The following H2BC4 variants were observed in gnomAD, a reference collection of about 807,000 sequenced individuals.
H2BC4 encodes histone H2B type 1-C/E/F/G/I.
In H2BC4, 10 loss-of-function variants were observed where a neutral mutation model predicts 6.2. The ratio of observed to expected loss-of-function variants is 1.61; its 90% CI spans 0.99 to 2.73. The LOEUF (loss-of-function observed/expected upper bound fraction) is 2.73. H2BC4 is among the 30% of genes most tolerant of loss of function. H2BC4 has a pLI of 0.00. For synonymous variants in H2BC4, 146 were observed against 70.7 expected, an observed-to-expected ratio of 2.07 and a Z score of -5.35; for missense variants, 176 against 168.7, an observed-to-expected ratio of 1.04 and a Z score of -0.24.
At chr6:26,122,396 T>C (rs1409752792), downstream of H2BC4, among the ~76,000 whole-genome samples, 2 of 152,196 alleles carry the variant, frequency 1.3e-5, no homozygotes, top group African/African-American at 2.4e-5. Flanking sequence ...TAAAAACGTG[T>C]TCTAGACTTG....
downstream of H2BC4, among the ~76,000 whole-genome samples, chr6:26,122,399 T>C (rs1474020572): frequency 6.6e-6 from 1 of 152,214 alleles, no homozygotes; most frequent in East Asian, 1.9e-4. Flanking sequence ...AAACGTGTTC[T>C]AGACTTGAAT....
At position 26,117,033 on chromosome 6, in the gene H2BC4, A is replaced by C. The variant is rs150841804; in HGVS notation, c.*10-1898T>G. Among the ~76,000 whole-genome samples the C allele has an allele frequency of 9.2e-3, 1,396 of 152,318 alleles. 10 individuals carry two copies. The highest frequency in any genetic ancestry group is 0.024 in the Middle Eastern group (7 of 294). ...ATATATATATCCTTCCAAATCTGGA[A>C]GATTTAAGAGAAATGATAGTTATCA... On this transcript the variant is annotated intron_variant, in intron 1 of 1. Transcript: ENST00000314332.
downstream of H2BC4, among the ~76,000 whole-genome samples, chr6:26,119,157 C>G (rs936794273): frequency 6.6e-6 from 1 of 151,772 alleles, no homozygotes; most frequent in Admixed American, 6.6e-5. Flanking sequence ...ATTGTGTTCC[C>G]GCATAGGCAT....
chr6:26,119,890 T>C (rs559351030), downstream of H2BC4, among the ~76,000 whole-genome samples: 1 of 152,184 alleles, frequency 6.6e-6, no homozygotes, highest in African/African-American at 2.4e-5. Flanking sequence ...TTTTAAGTTA[T>C]TTAAAAATTG....
chr6:26,117,523 G>C (rs182911296), intron 1 of H2BC4, among the ~76,000 whole-genome samples: 85 of 152,280 alleles, frequency 5.6e-4, no homozygotes, highest in Non-Finnish European at 1.0e-3. Context: ...TCATTGAGCA[G>C]TGCTGTGCAG....
At chr6:26,120,316 T>G (rs552881503), downstream of H2BC4, among the ~76,000 whole-genome samples, 2 of 152,110 alleles carry the variant, frequency 1.3e-5, no homozygotes, top group East Asian at 1.9e-4. Context: ...CCAGGCGTGG[T>G]GGTGCACCTG....
At chr6:26,123,245 A>G (rs1581412720), downstream of H2BC4, 3 of 494,146 alleles carry the variant, frequency 6.1e-6, no homozygotes, top group East Asian at 4.0e-5. Context: ...TCTTCCGGGA[A>G]CGCCGAGTTA....
At chr6:26,114,384 ATTTCAATTTTTT>A (rs1174516164), downstream of H2BC4, among the ~76,000 whole-genome samples, 1 of 152,112 alleles carries the variant, frequency 6.6e-6, no homozygotes, top group African/African-American at 2.4e-5. Context: ...AAATAATGTA[ATTTCAATTTTTT>A]TTTCTTTTGA....
chr6:26,115,504 T>G (rs998066444), intron 1 of H2BC4, among the ~76,000 whole-genome samples: 1 of 152,172 alleles, frequency 6.6e-6, no homozygotes, highest in African/African-American at 2.4e-5. Flanking sequence ...GTCCTAAAGT[T>G]CCATTTGATC....
At chr6:26,119,882 T>G (rs1763476424), downstream of H2BC4, among the ~76,000 whole-genome samples, 1 of 152,040 alleles carries the variant, frequency 6.6e-6, no homozygotes, top group Non-Finnish European at 1.5e-5. Context: ...ATTAATATTT[T>G]TAAGTTATTT....
chr6:26,114,021 T>C (rs1237749367), downstream of H2BC4, among the ~76,000 whole-genome samples: 4 of 152,090 alleles, frequency 2.6e-5, no homozygotes, highest in Non-Finnish European at 5.9e-5. Flanking sequence ...AGGAATAGAG[T>C]CATATTGGGG....
At position 26,123,801 on chromosome 6, in the gene H2BC4, T is replaced by G; in HGVS notation, c.104A>C (p.Lys35Thr). The G allele has an allele frequency of 6.2e-7, 1 of 1,614,270 alleles. No individual in the cohort carries two copies. Among genetic ancestry groups the G allele is most frequent in the Non-Finnish European group, 8.5e-7 (1 of 1,180,042 alleles). Residue 35 changes from lysine (K) to threonine (T), a missense_variant, in exon 1 of 1, where the codon AAG (lysine) becomes ACG (threonine). Lys to Thr is a moderately conservative substitution (Grantham distance 78, BLOSUM62 -1). Transcript: ENST00000396984. ...KDGKKRKRSR[K>T]ESYSVYVYKV... ...GTACACGTACACAGAGTAACTCTCC[T>G]TGCGGCTGCGCTTGCGCTTCTTGCC...
rs761241511 is a variant in H2BC4, at chr6:26,123,629, G to A, written c.276C>T (p.Ser92=). ...GGCGCACGGCCGTCTGGATCTCCCT[G>A]GAGGTGATGGTCGAGCGCTTGTTGT... The part of the protein sequence containing the change: ...AHYNKRSTIT[S]REIQTAVRLL... The change falls in exon 1 of 1, where the codon TCC becomes TCT. Residue 92 remains serine, a synonymous_variant. Coordinates refer to ENST00000396984, the MANE Select transcript of H2BC4 (RefSeq NM_003526.3). 4 of 1,614,268 alleles carry A rather than the reference G, an allele frequency of 2.5e-6. No homozygotes were observed. The highest frequency in any genetic ancestry group is 2.5e-6 in the Non-Finnish European group (3 of 1,180,044).
chr6:26,119,946 A>G (rs1394978361), downstream of H2BC4, among the ~76,000 whole-genome samples: 7 of 152,138 alleles, frequency 4.6e-5, no homozygotes, highest in Admixed American at 4.6e-4. Context: ...AACTAAGACC[A>G]CTAATGAAAC....
downstream of H2BC4, among the ~76,000 whole-genome samples, chr6:26,118,877 T>C (rs768847544): frequency 2.0e-5 from 3 of 152,212 alleles, no homozygotes; most frequent in Non-Finnish European, 4.4e-5. Context: ...AGCATTGTTA[T>C]AATGTTGTCA....
chr6:26,118,504 T>C (rs1763453710), downstream of H2BC4, among the ~76,000 whole-genome samples: 1 of 152,214 alleles, frequency 6.6e-6, no homozygotes, highest in Admixed American at 6.5e-5. Flanking sequence ...CATGCCAATA[T>C]CTTAGTAAAA....
downstream of H2BC4, among the ~76,000 whole-genome samples, chr6:26,114,390 A>T (rs1247647553): frequency 1.3e-5 from 2 of 151,472 alleles, no homozygotes; most frequent in Non-Finnish European, 2.9e-5. Flanking sequence ...TGTAATTTCA[A>T]TTTTTTTTTC....
chr6:26,123,899 A>T lies in H2BC4; in HGVS notation c.6T>A (p.Pro2=). 1.9e-6 allele frequency: 3 copies of T among 1,613,568 alleles called. No homozygotes were observed. The highest frequency in any genetic ancestry group is 2.5e-6 in the Non-Finnish European group (3 of 1,179,910). The change falls in exon 1 of 1, where the codon CCT becomes CCA. Residue 2 remains proline, a synonymous_variant. Transcript: ENST00000396984. M[P]EPAKSAPAPK... is the part of the protein sequence containing the mutation. ...GGGCGGGAGCAGACTTGGCTGGCTC[A>T]GGCATCTTAAAACACCAGAAATGTG...
downstream of H2BC4, among the ~76,000 whole-genome samples, chr6:26,114,171 T>C (rs1405744747): frequency 6.6e-6 from 1 of 152,152 alleles, no homozygotes; most frequent in East Asian, 1.9e-4. Flanking sequence ...CTAAATGCAG[T>C]TTAGTATCCC....
Sources: allele counts gnomAD v4.1 joint callset (sites outside exome capture counted in the v4.1 genomes callset), GRCh38; gene constraint gnomAD v4.1.1; transcripts MANE v1.5; gene names NCBI Gene and HGNC (gene_info 2026-07-23, HGNC 2026-07-21).